The following SMYD2 variants were observed in gnomAD, a reference collection of about 807,000 sequenced individuals.
SMYD2 encodes SET and MYND domain containing 2, also known as N-lysine methyltransferase SMYD2.
In SMYD2, 53 loss-of-function variants were observed where a neutral mutation model predicts 59.1. That is an observed-to-expected ratio of 0.90 (90% CI 0.72 to 1.13). The LOEUF (loss-of-function observed/expected upper bound fraction) is 1.13. SMYD2 is among the 50% of genes most tolerant of loss of function. The probability of loss-of-function intolerance (pLI) is 0.00; values close to 1 mark genes in which losing one functional copy is unlikely to be tolerated. For missense variants in SMYD2, 494 were observed against 544.7 expected, an observed-to-expected ratio of 0.91 and a Z score of 0.93; for synonymous variants, 208 against 198.8, an observed-to-expected ratio of 1.05 and a Z score of -0.39.
chr1:214,287,000 T>C (rs888496455), intron 1 of SMYD2, among the ~76,000 whole-genome samples: 6 of 151,782 alleles, frequency 4.0e-5, no homozygotes, highest in Non-Finnish European at 7.4e-5. Flanking sequence ...GGCTAATTTT[T>C]GTATTTTTAG....
At chr1:214,286,539 G>A (rs572670953) in intron 1 of SMYD2, among the ~76,000 whole-genome samples, 55 of 152,186 alleles carry the variant, frequency 3.6e-4, no homozygotes, top group African/African-American at 1.2e-3. Context: ...GGGAGGCTGA[G>A]GCAGATGGAT....
In SMYD2 at chr1:214,318,879, GAGA is replaced by G; in HGVS notation, c.436_438del (p.Lys146del). ...CACAGATCTGGATAAGTTAGACAAT[GAGA>G]AGAAGGATTTGATTCAGAGTGACAT... On this transcript the variant is annotated inframe_deletion, in exon 5 of 12. Coordinates refer to ENST00000366957, the MANE Select transcript of SMYD2 (RefSeq NM_020197.3). This position sits in a 1 kb window ranked among gnomAD's most constrained non-coding sequence, Gnocchi z 5.4. 2 of 1,613,940 alleles carry G rather than the reference GAGA, an allele frequency of 1.2e-6. No homozygotes were observed. The highest frequency in any genetic ancestry group is 1.3e-5 in the African/African-American group (1 of 75,008).
At position 214,318,748 on chromosome 1, in the gene SMYD2, GT is replaced by G. The variant is rs370961529; in HGVS notation, c.410-99del. On this transcript the variant is annotated intron_variant, in intron 4 of 11. Coordinates refer to ENST00000366957, the MANE Select transcript of SMYD2 (RefSeq NM_020197.3). This position sits in a 1 kb window ranked among gnomAD's most constrained non-coding sequence, Gnocchi z 5.4. ...TGGGGGTTCAACATGTTAGTTTTGG[GT>G]TTTTTTTTTTTCGCCCGTTCCTTTC... The G allele has an allele frequency of 0.11, 108,290 of 969,342 alleles. 1,756 individuals carry two copies. The highest frequency in any genetic ancestry group is 0.21 in the South Asian group (10,623 of 51,620). The allele number at this position is 969,342 out of a possible 1,614,324, so 60.0% of individuals were successfully genotyped here.
intron 2 of SMYD2, among the ~76,000 whole-genome samples, chr1:214,305,452 A>G (rs1401533566): frequency 1.3e-5 from 2 of 152,238 alleles, no homozygotes; most frequent in East Asian, 3.8e-4. Context: ...TGCAGGACCA[A>G]CATCGAGGTG....
At position 214,312,677 on chromosome 1, in the gene SMYD2, C is replaced by A. The variant is rs147135923; in HGVS notation, c.238-2085C>A. Among the ~76,000 whole-genome samples, 3 of 152,118 alleles carry A rather than the reference C, an allele frequency of 2.0e-5. No homozygotes were observed. Among genetic ancestry groups the A allele is most frequent in the Non-Finnish European group, 4.4e-5 (3 of 68,038 alleles). ...CTTGAGGCAGGTACATGGCTCCAGG[C>A]GCAGCCAGGACACTTCTGTGGCTAA... On this transcript the variant is annotated intron_variant, in intron 2 of 11. Transcript: ENST00000366957. The surrounding 1 kb of genome is among the most constrained non-coding windows in gnomAD (Gnocchi z 4.1).
At chr1:214,313,192 C>T (rs890504927) in intron 2 of SMYD2, among the ~76,000 whole-genome samples, 2 of 152,140 alleles carry the variant, frequency 1.3e-5, no homozygotes, top group Admixed American at 1.3e-4. Context: ...TCTCGGCTCA[C>T]TGCAACCTCT....
At chr1:214,309,065 T>A (rs182241145) in intron 2 of SMYD2, among the ~76,000 whole-genome samples, 1 of 152,168 alleles carries the variant, frequency 6.6e-6, no homozygotes, top group Admixed American at 6.5e-5. Flanking sequence ...TCTTAGGGGA[T>A]CCTAGCCATG....
Position 214,314,845 on chromosome 1 carries a change from A to G in SMYD2, c.321A>G (p.Arg107=), listed in dbSNP as rs1657055516. 6.2e-7 allele frequency: 1 copy of G among 1,614,072 alleles called. No homozygotes were observed. The highest frequency in any genetic ancestry group is 8.5e-7 in the Non-Finnish European group (1 of 1,179,936). ...GENWNPSETV[R]LTARILAKQK... Reference sequence around the variant, plus strand: ...ACTGGAATCCCTCGGAGACTGTAAGACTAACAGCAAGGATTCTGGCCAAAC... The same window carrying G: ...ACTGGAATCCCTCGGAGACTGTAAGGCTAACAGCAAGGATTCTGGCCAAAC... The change falls in exon 3 of 12, where the codon AGA becomes AGG. Residue 107 remains arginine (R), a synonymous_variant. Coordinates refer to ENST00000366957, the MANE Select transcript of SMYD2 (RefSeq NM_020197.3).
At chr1:214,314,082 C>G (rs915894268) in intron 2 of SMYD2, among the ~76,000 whole-genome samples, 23 of 152,030 alleles carry the variant, frequency 1.5e-4, no homozygotes, top group African/African-American at 4.8e-4. Context: ...GAGGCTGAGG[C>G]AGGAGAATCA....
At chr1:214,332,243 A>G in intron 10 of SMYD2, 51 bp downstream of exon 10, 1 of 1,597,230 alleles carries the variant, frequency 6.3e-7, no homozygotes, top group Non-Finnish European at 8.5e-7. Flanking sequence ...TTGGTTGTTT[A>G]GAATGTATAC....
intron 2 of SMYD2, among the ~76,000 whole-genome samples, chr1:214,310,075 G>A (rs1346967003): frequency 6.6e-6 from 1 of 152,206 alleles, no homozygotes; most frequent in African/African-American, 2.4e-5. Flanking sequence ...AGGCAGAAAA[G>A]GGACTTCATG....
In SMYD2 at chr1:214,314,637, G is replaced by A. The variant is rs370195851; in HGVS notation, c.238-125G>A. 4.0e-3 allele frequency: 2,667 copies of A among 662,672 alleles called. 94 individuals are homozygous for A. The South Asian group carries it at 0.05, about 12-fold the overall frequency. 41.0% of individuals were successfully genotyped at this position (662,672 alleles called of 1,614,324 possible). A position where few individuals can be genotyped will look rare whatever the true frequency, so the allele number is the denominator to read the frequency against. ...ATCTCTAGCTTTTGTGAGCATCCTCGTGTTTTCCAAAAGGAAACATATTTT... is the reference window on the plus strand; with the variant it reads ...ATCTCTAGCTTTTGTGAGCATCCTCATGTTTTCCAAAAGGAAACATATTTT... On this transcript the variant is annotated intron_variant, in intron 2 of 11. Coordinates refer to ENST00000366957, the MANE Select transcript of SMYD2 (RefSeq NM_020197.3).
chr1:214,314,433 C>CTTGCACAGATGATGGA (rs1657048635), intron 2 of SMYD2, among the ~76,000 whole-genome samples: 1 of 152,136 alleles, frequency 6.6e-6, no homozygotes, highest in Non-Finnish European at 1.5e-5. Flanking sequence ...GCTCCCTCTG[C>CTTGCACAGATGATGGA]AATTTGACAG....
intron 2 of SMYD2, among the ~76,000 whole-genome samples, chr1:214,310,285 A>C (rs1440054938): frequency 6.6e-6 from 1 of 152,244 alleles, no homozygotes; most frequent in African/African-American, 2.4e-5. Flanking sequence ...ATCTTAGTTG[A>C]AAATGAATTA....
At chr1:214,310,067 G>A (rs1030986922) in intron 2 of SMYD2, among the ~76,000 whole-genome samples, 2 of 152,218 alleles carry the variant, frequency 1.3e-5, no homozygotes, top group African/African-American at 4.8e-5. Flanking sequence ...AATGCTAGAG[G>A]CAGAAAAGGG....
Position 214,318,881 on chromosome 1 carries a change from GA to G in SMYD2, c.434del (p.Lys145ArgfsTer4). The G allele has an allele frequency of 6.2e-7, 1 of 1,613,958 alleles. No individual in the cohort carries two copies. Among genetic ancestry groups the G allele is most frequent in the Non-Finnish European group, 8.5e-7 (1 of 1,179,996 alleles). ...CAGATCTGGATAAGTTAGACAATGA[GA>G]AGAAGGATTTGATTCAGAGTGACAT... Reference protein sequence around the residue: ...ESHLDKLDNEKKDLIQSDIAA... With the variant: ...ESHLDKLDNEXKDLIQSDIAA... On this transcript the variant is annotated frameshift_variant, in exon 5 of 12. Coordinates refer to ENST00000366957, the MANE Select transcript of SMYD2 (RefSeq NM_020197.3). LOFTEE classifies it high-confidence loss of function. The surrounding 1 kb of genome is among the most constrained non-coding windows in gnomAD (Gnocchi z 5.4).
At chr1:214,315,828 T>C (rs1657076940) in intron 3 of SMYD2, among the ~76,000 whole-genome samples, 1 of 152,274 alleles carries the variant, frequency 6.6e-6, no homozygotes, top group Admixed American at 6.5e-5. Context: ...TAAGGCAGGA[T>C]TTAAGGTAGC....
rs753623924 is a variant in SMYD2, at chr1:214,318,052, CTG to C, written c.349-22_349-21del. On this transcript the variant is annotated intron_variant, in intron 3 of 11. Transcript: ENST00000366957. The surrounding 1 kb of genome is among the most constrained non-coding windows in gnomAD (Gnocchi z 5.4). ...ACACTGGTTGTTAAAAAATCTGTAT[CTG>C]TGTGATTTCTTCCCCAATTGCTAGA... 6.2e-7 allele frequency: 1 copy of C among 1,602,756 alleles called. No individual in the cohort carries two copies. The highest frequency in any genetic ancestry group is 1.1e-5 in the South Asian group (1 of 90,264).
At chr1:214,298,098 G>A (rs887666392) in intron 1 of SMYD2, among the ~76,000 whole-genome samples, 2 of 152,086 alleles carry the variant, frequency 1.3e-5, no homozygotes, top group African/African-American at 2.4e-5. Flanking sequence ...AATAGCCAAA[G>A]CAATCCTAAG....
Sources: allele counts gnomAD v4.1 joint callset (sites outside exome capture counted in the v4.1 genomes callset), GRCh38; gene constraint gnomAD v4.1.1; non-coding constraint Gnocchi (gnomAD v3.1); transcripts MANE v1.5; gene names NCBI Gene and HGNC (gene_info 2026-07-23, HGNC 2026-07-21).